The following VAV1 variants were observed in gnomAD, a reference collection of about 807,000 sequenced individuals.
VAV1 encodes the protein proto-oncogene vav.
Under a neutral mutation model 128.1 loss-of-function variants are expected in VAV1, and 33 were observed. The ratio of observed to expected loss-of-function variants is 0.26; its 90% CI spans 0.20 to 0.34. The LOEUF is 0.34. Ranked by LOEUF, VAV1 falls within the 10% of genes least tolerant of loss-of-function variation. The pLI is 1.00. For missense variants in VAV1, 715 were observed against 1,093.7 expected, an observed-to-expected ratio of 0.65 and a Z score of 4.88; for synonymous variants, 394 against 409.8, an observed-to-expected ratio of 0.96 and a Z score of 0.47.
chr19:6,834,544 T>C (rs903034616), intron 19 of VAV1, among the ~76,000 whole-genome samples: 12 of 149,186 alleles, frequency 8.0e-5, no homozygotes, highest in Non-Finnish European at 1.3e-4. Context: ...TGCCCAGCCT[T>C]AATTTTAAAA....
intron 1 of VAV1, among the ~76,000 whole-genome samples, chr19:6,797,003 C>T (rs143825472): frequency 3.9e-5 from 6 of 152,098 alleles, no homozygotes; most frequent in African/African-American, 7.2e-5. Flanking sequence ...TTTGGGAGGC[C>T]GAGACGGGTG....
At chr19:6,833,999 C>T (rs1253465297) in intron 19 of VAV1, 46 bp downstream of exon 19, 1 of 1,612,636 alleles carries the variant, frequency 6.2e-7, no homozygotes, top group Non-Finnish European at 8.5e-7. Flanking sequence ...GAAAATTCAT[C>T]TCTATTGATG....
rs1349606512 is a variant in VAV1, at chr19:6,777,134, A to C, written c.204+4123A>C. 1.3e-5 allele frequency among the ~76,000 whole-genome samples: 2 copies of C among 150,164 alleles called. No individual in the cohort carries two copies. The highest frequency in any genetic ancestry group is 3.0e-5 in the Non-Finnish European group (2 of 67,424). On this transcript the variant is annotated intron_variant, in intron 1 of 26. Coordinates refer to ENST00000602142, the MANE Select transcript of VAV1 (RefSeq NM_005428.4). This position sits in a 1 kb window ranked among gnomAD's most constrained non-coding sequence, Gnocchi z 4.4. ...CATCCATCCATCCATCCATCCATCC[A>C]CCCATCCCATCCATCCATCCACTCA...
At chr19:6,842,657 G>A (rs75586891) in intron 21 of VAV1, among the ~76,000 whole-genome samples, 4,373 of 152,014 alleles carry the variant, frequency 0.029, 70 homozygotes, top group Non-Finnish European at 0.048. Flanking sequence ...TCCCCCGCCC[G>A]ATCTTGACAA....
chr19:6,804,426 A>G (rs1352945680), intron 1 of VAV1, among the ~76,000 whole-genome samples: 1 of 151,720 alleles, frequency 6.6e-6, no homozygotes, highest in East Asian at 1.9e-4. Flanking sequence ...TTATTTATTT[A>G]TTTATTTAGA....
intron 22 of VAV1, among the ~76,000 whole-genome samples, chr19:6,845,056 C>A (rs1376627618): frequency 1.3e-5 from 2 of 152,020 alleles, no homozygotes; most frequent in Admixed American, 6.6e-5. Context: ...AACACCAACT[C>A]GAACCAGATT....
In VAV1 at chr19:6,772,913, G is replaced by T; in HGVS notation, c.106G>T (p.Ala36Ser). Residue 36 changes from alanine to serine, a missense_variant, in exon 1 of 27, where the codon GCC becomes TCC. Physicochemically the swap from Ala to Ser is moderately conservative, Grantham distance 99. Coordinates refer to ENST00000602142, the MANE Select transcript of VAV1 (RefSeq NM_005428.4). This position sits in a 1 kb window ranked among gnomAD's most constrained non-coding sequence, Gnocchi z 4.8. ...DGAQVCELAQALRDGVLLCQL... is the reference protein window; with the variant it reads ...DGAQVCELAQSLRDGVLLCQL... Reference sequence around the variant, plus strand: ...GGCTCAGGTGTGTGAACTGGCCCAGGCCCTCCGGGATGGTGTCCTTCTGTG... The same window carrying T: ...GGCTCAGGTGTGTGAACTGGCCCAGTCCCTCCGGGATGGTGTCCTTCTGTG... 6.2e-7 allele frequency: 1 copy of T among 1,614,128 alleles called. No homozygotes were observed. The highest frequency in any genetic ancestry group is 8.5e-7 in the Non-Finnish European group (1 of 1,179,990).
chr19:6,834,716 C>CT (rs900914451), intron 19 of VAV1, among the ~76,000 whole-genome samples: 6 of 142,982 alleles, frequency 4.2e-5, no homozygotes, highest in Non-Finnish European at 6.1e-5. Flanking sequence ...TATAATATAT[C>CT]TTTTTTTTAT....
Position 6,832,004 on chromosome 19 carries a change from G to C in VAV1, c.1399-87G>C, listed in dbSNP as rs1043569434. 5.5e-6 allele frequency: 6 copies of C among 1,087,136 alleles called. No individual in the cohort carries two copies. In the African/African-American group the frequency reaches 1.0e-4, roughly 18 times the overall value. 67.3% of individuals were successfully genotyped at this position (1,087,136 alleles called of 1,614,324 possible). On this transcript the variant is annotated intron_variant, in intron 14 of 26. Transcript: ENST00000602142. ...CATAGAGACTGTCATGGGCTTGCCT[G>C]TTCCCTACAGAGGGAGGGGTGGGTG...
chr19:6,787,405 A>T (rs1970917709), intron 1 of VAV1, among the ~76,000 whole-genome samples: 1 of 151,790 alleles, frequency 6.6e-6, no homozygotes, highest in Non-Finnish European at 1.5e-5. Flanking sequence ...TGAACTCCTG[A>T]CCTCAAGCAA....
chr19:6,806,449 T>C (rs17704510), intron 1 of VAV1, among the ~76,000 whole-genome samples: 3,397 of 152,292 alleles, frequency 0.022, 54 homozygotes, highest in African/African-American at 0.041. Flanking sequence ...CAAACTCGTA[T>C]GTGGGTTTTA....
chr19:6,855,376 TCATC>T (rs1033314305), intron 26 of VAV1, among the ~76,000 whole-genome samples: 30 of 152,152 alleles, frequency 2.0e-4, no homozygotes, highest in Middle Eastern at 3.4e-3. Flanking sequence ...TGTAAAGGAT[TCATC>T]CATCCATCCA....
At chr19:6,779,290 A>C (rs1970713956) in intron 1 of VAV1, among the ~76,000 whole-genome samples, 1 of 150,294 alleles carries the variant, frequency 6.7e-6, no homozygotes, top group African/African-American at 2.4e-5. Context: ...GGCCTCAAGC[A>C]ATTCCTCCCG....
At chr19:6,793,104 G>A (rs1971052650) in intron 1 of VAV1, among the ~76,000 whole-genome samples, 1 of 152,140 alleles carries the variant, frequency 6.6e-6, no homozygotes, top group Non-Finnish European at 1.5e-5. Context: ...GGAGGCCGAG[G>A]CAGGTGGATC....
intron 1 of VAV1, among the ~76,000 whole-genome samples, chr19:6,808,501 T>A (rs976604470): frequency 6.6e-6 from 1 of 152,206 alleles, no homozygotes; most frequent in Non-Finnish European, 1.5e-5. Flanking sequence ...AATCTGAGCT[T>A]AATCAGTCCA....
At chr19:6,806,855 C>T (rs1328070435) in intron 1 of VAV1, among the ~76,000 whole-genome samples, 1 of 152,192 alleles carries the variant, frequency 6.6e-6, no homozygotes, top group Non-Finnish European at 1.5e-5. Context: ...TCATTCTTTC[C>T]ACCATCCCTC....
At chr19:6,831,781 C>T (rs765032856) in intron 14 of VAV1, among the ~76,000 whole-genome samples, 1 of 152,156 alleles carries the variant, frequency 6.6e-6, no homozygotes, top group Non-Finnish European at 1.5e-5. Flanking sequence ...AGGTGCTGCA[C>T]CAATGCTTTG....
At position 6,814,714 on chromosome 19, in the gene VAV1, T is replaced by TTCTTTCTTTCTTTCTC. The variant is rs1568299402; in HGVS notation, c.205-5973_205-5972insCTCTTTCTTTCTTTCT. On this transcript the variant is annotated intron_variant, in intron 1 of 26. Coordinates refer to ENST00000602142, the MANE Select transcript of VAV1 (RefSeq NM_005428.4). ...TTTCTTTCTTTCTTTCTTTCTTTCT[T>TTCTTTCTTTCTTTCTC]TCTTTCTTTCTTTCTTTCCTTTTTC... 2.6e-4 allele frequency among the ~76,000 whole-genome samples: 37 copies of TTCTTTCTTTCTTTCTC among 140,496 alleles called. 1 individual carries two copies. Among genetic ancestry groups the TTCTTTCTTTCTTTCTC allele is most frequent in the Admixed American group, 4.4e-4 (6 of 13,674 alleles). The allele number at this position is 140,496 out of a possible 152,430, so 92.2% of individuals were successfully genotyped here.
intron 1 of VAV1, 94 bp downstream of exon 1, chr19:6,773,105 G>A: frequency 1.3e-6 from 2 of 1,490,880 alleles, no homozygotes; most frequent in Non-Finnish European, 9.3e-7. Context: ...TCCACCTCTG[G>A]GCCTGCAAAG....
Sources: gnomAD v4.1 joint callset for allele counts (sites outside exome capture counted in the v4.1 genomes callset) on GRCh38, gnomAD v4.1.1 for gene constraint, Gnocchi (gnomAD v3.1) non-coding constraint, MANE v1.5 for transcripts, NCBI Gene and HGNC (gene_info 2026-07-23, HGNC 2026-07-21) for gene names.